MBNL3: variants seen among roughly 807,000 people sequenced by gnomAD.
MBNL3 encodes the protein muscleblind like splicing regulator 3.
Under a neutral mutation model 24.5 loss-of-function variants are expected in MBNL3, and 6 were observed. The observed-to-expected ratio is 0.25, with a 90% CI of 0.13 to 0.48. The LOEUF (loss-of-function observed/expected upper bound fraction) is 0.48, where lower values mean the gene tolerates loss of function less well. MBNL3 is among the 20% of genes least tolerant of loss of function. The pLI, the probability that MBNL3 is intolerant of heterozygous loss-of-function variation, is 0.99. For synonymous variants in MBNL3, 100 were observed against 101.7 expected (o/e 0.98, Z 0.10); for missense variants, 230 against 293.5 (o/e 0.78, Z 1.58).
chrX:132,431,507 C>G (rs1343242654), intron 2 of MBNL3: 1 of 111,964 alleles, frequency 8.9e-6, no homozygotes, highest in Non-Finnish European at 1.9e-5. Flanking sequence ...TGCCCCCACC[C>G]TTTCTCTAGC....
intron 3 of MBNL3, among the ~76,000 whole-genome samples, chrX:132,404,544 A>G (rs1333079116): frequency 1.8e-5 from 2 of 112,379 alleles, no homozygotes; most frequent in Non-Finnish European, 3.8e-5. Context: ...AACATAATTA[A>G]TCTGAGTTCC....
chrX:132,417,219 A>G (rs913729776), intron 2 of MBNL3, among the ~76,000 whole-genome samples: 1 of 111,588 alleles, frequency 9.0e-6, no homozygotes, highest in African/African-American at 3.3e-5. Flanking sequence ...TCCAGTGAGC[A>G]GTTAATATTT....
At chrX:132,384,590 T>C (rs1935638140) in intron 7 of MBNL3, 73 bp downstream of exon 7, 2 of 941,997 alleles carry the variant, frequency 2.1e-6, no homozygotes, top group Non-Finnish European at 3.0e-6. Flanking sequence ...CAGTCATTCA[T>C]CTTTCATAGT....
intron 2 of MBNL3, chrX:132,432,115 C>T (rs1172234894): frequency 9.0e-6 from 1 of 111,238 alleles, no homozygotes; most frequent in Non-Finnish European, 1.9e-5. Context: ...AGGAGGAAAA[C>T]AGTATGCTAC....
chrX:132,489,948 C>T (rs181046410), upstream of MBNL3: 8 of 112,508 alleles, frequency 7.1e-5, no homozygotes, highest in East Asian at 2.3e-3. Flanking sequence ...CGCGCTGCGG[C>T]TCACGCTCGG....
At chrX:132,463,930 T>C (rs1261755213) in intron 1 of MBNL3, among the ~76,000 whole-genome samples, 1 of 112,021 alleles carries the variant, frequency 8.9e-6, no homozygotes, top group Non-Finnish European at 1.9e-5. Context: ...CCTAAAAAAT[T>C]TGTCTGCAAT....
At chrX:132,458,934 T>C (rs1165448653) in intron 1 of MBNL3, among the ~76,000 whole-genome samples, 1 of 107,781 alleles carries the variant, frequency 9.3e-6, no homozygotes, top group Non-Finnish European at 1.9e-5. Context: ...GGTTGAAATA[T>C]CTTCTTCTAC....
intron 2 of MBNL3, among the ~76,000 whole-genome samples, chrX:132,418,797 G>C (rs1329275867): frequency 8.9e-6 from 1 of 112,478 alleles, no homozygotes; most frequent in Admixed American, 9.3e-5. Context: ...TTTTAAGATA[G>C]AGTCTCACTC....
chrX:132,419,255 C>T (rs779362127), intron 2 of MBNL3, among the ~76,000 whole-genome samples: 8 of 112,145 alleles, frequency 7.1e-5, no homozygotes, highest in African/African-American at 2.6e-4. Flanking sequence ...TAAGCATAAA[C>T]GGCCATGACT....
chrX:132,400,494 A>G (rs148730879), intron 3 of MBNL3, among the ~76,000 whole-genome samples: 13 of 111,995 alleles, frequency 1.2e-4, no homozygotes, highest in African/African-American at 3.9e-4. Flanking sequence ...CAAATCTAGG[A>G]TATGTGGGGT....
At chrX:132,410,477 CAG>C (rs1212626992) in intron 2 of MBNL3, among the ~76,000 whole-genome samples, 3 of 109,830 alleles carry the variant, frequency 2.7e-5, no homozygotes, top group African/African-American at 1.0e-4. Context: ...CAAATACATA[CAG>C]AGTTAGAGAG....
At chrX:132,464,870 T>A (rs1946810186) in intron 1 of MBNL3, among the ~76,000 whole-genome samples, 1 of 110,639 alleles carries the variant, frequency 9.0e-6, no homozygotes, top group Admixed American at 9.7e-5. Context: ...TAAACCCTCA[T>A]CTCTACTAAA....
intron 2 of MBNL3, chrX:132,413,411 G>A (rs775431838): frequency 7.4e-6 from 7 of 948,271 alleles, no homozygotes; most frequent in African/African-American, 2.0e-5. Context: ...GCCCTCTCCC[G>A]CTCTGTTCTT....
At chrX:132,396,959 CATATATATATGAATATATATGAATAT>C (rs1569426893) in intron 3 of MBNL3, among the ~76,000 whole-genome samples, 1 of 73,013 alleles carries the variant, frequency 1.4e-5, no homozygotes, top group South Asian at 6.1e-4. Context: ...CATATATATT[CATATATATATGAATATATATGAATAT>C]ATATGTATAT....
At chrX:132,383,633 A>G (rs1422879669) in intron 7 of MBNL3, among the ~76,000 whole-genome samples, 2 of 112,547 alleles carry the variant, frequency 1.8e-5, no homozygotes, top group Non-Finnish European at 1.9e-5. Flanking sequence ...TAATTCCTAC[A>G]GAAGACAGTC....
intron 2 of MBNL3, among the ~76,000 whole-genome samples, chrX:132,435,474 G>A (rs1268911446): frequency 9.0e-6 from 1 of 110,730 alleles, no homozygotes; most frequent in Non-Finnish European, 1.9e-5. Context: ...ACTTTCCCTT[G>A]GCAAATAGGG....
At chrX:132,452,239 G>A (rs1006073981) in intron 1 of MBNL3, among the ~76,000 whole-genome samples, 4 of 112,175 alleles carry the variant, frequency 3.6e-5, no homozygotes, top group Non-Finnish European at 7.5e-5. Context: ...TTAAGTGCTT[G>A]CGTATGTGCA....
rs1933836315 is a variant in MBNL3 at position 132,373,634 on chromosome X, A to G, written c.*6032T>C. The G allele has an allele frequency of 8.9e-6, 1 of 111,840 alleles. No individual in the cohort carries two copies. The highest frequency in any genetic ancestry group is 1.9e-5 in the Non-Finnish European group (1 of 53,053). 9.2% of individuals were successfully genotyped at this position (111,840 alleles called of 1,213,427 possible). ...CCCAGGATGGGTTCCTTCTCTAGGT[A>G]CTACAAGTACCTGTAGTGATCAAAT... On this transcript the variant is annotated 3_prime_UTR_variant, in exon 9 of 9. Transcript: ENST00000370853.
Position 132,458,291 on chromosome X carries a change from G to A in MBNL3, c.-703-17977C>T, listed in dbSNP as rs1039595233. Among the ~76,000 whole-genome samples the A allele has an allele frequency of 3.7e-5, 4 of 106,892 alleles. No individual in the cohort carries two copies. The East Asian group carries it at 1.2e-3, about 31-fold the overall frequency. The allele number at this position is 106,892 out of a possible 115,157, so 92.8% of individuals were successfully genotyped here. The stretch of plus-strand genomic sequence containing the variant: ...GTGATATGATTTTAGGAATCCTGAT[G>A]TTATATACCCTTCATTAAAAAAAAA... On this transcript the variant is annotated intron_variant, in intron 1 of 8. Transcript: ENST00000370853.
Sources: gnomAD v4.1 joint callset for allele counts (sites outside exome capture counted in the v4.1 genomes callset) on GRCh38, gnomAD v4.1.1 for gene constraint, MANE v1.5 for transcripts, NCBI Gene and HGNC (gene_info 2026-07-23, HGNC 2026-07-21) for gene names.